The following KPTN variants were observed in gnomAD, a reference collection of about 807,000 sequenced individuals.
KPTN encodes the protein KICSTOR complex protein kaptin.
A neutral mutation model predicts 52.6 loss-of-function variants in KPTN; 36 were observed. The ratio of observed to expected loss-of-function variants is 0.68; its 90% confidence interval spans 0.52 to 0.90. KPTN has a LOEUF of 0.90. Among genes scored for constraint, KPTN ranks in the 40% least tolerant of loss-of-function variants. The probability of loss-of-function intolerance (pLI) is 0.00; values close to 1 mark genes in which losing one functional copy is unlikely to be tolerated. For missense variants in KPTN, 529 were observed against 576.2 expected (o/e 0.92, Z 0.84); for synonymous variants, 271 against 248.4 (o/e 1.09, Z -0.85).
rs753848339 is a variant in KPTN, at chr19:47,483,982, T to C, written c.179A>G (p.Gln60Arg). 6.2e-7 allele frequency: 1 copy of C among 1,613,584 alleles called. No individual in the cohort carries two copies. Among genetic ancestry groups the C allele is most frequent in the African/African-American group, 1.3e-5 (1 of 74,844 alleles). The change falls in exon 1 of 12, where the codon CAG becomes CGG. Residue 60 changes from glutamine to arginine, a missense_variant. Coordinates refer to ENST00000338134, the MANE Select transcript of KPTN (RefSeq NM_007059.4). ...CTCCTTGGCCACTGGCCGGATTTTCTGTCGGAGGTCTTGGTAGCGGAAGCC... is the reference window on the plus strand; with the variant it reads ...CTCCTTGGCCACTGGCCGGATTTTCCGTCGGAGGTCTTGGTAGCGGAAGCC... ...VLGFRYQDLR[Q>R]KIRPVAKELQ... is the part of the protein sequence containing the mutation.
At chr19:47,480,515 G>T in intron 6 of KPTN, 108 bp from the exon 7 acceptor site, 3 of 828,112 alleles carry the variant, frequency 3.6e-6, no homozygotes, top group Non-Finnish European at 5.7e-6. Context: ...GGACCCTGCT[G>T]CTTGATTCCT....
At chr19:47,484,327 C>T, upstream of KPTN, 3 of 838,540 alleles carry the variant, frequency 3.6e-6, no homozygotes, top group South Asian at 1.8e-5. Flanking sequence ...AGGTCGCCTG[C>T]TCGGGCCTCC....
intron 6 of KPTN, 37 bp from the exon 7 acceptor site, chr19:47,480,444 T>C: frequency 6.9e-7 from 1 of 1,449,824 alleles, no homozygotes; most frequent in Non-Finnish European, 9.3e-7. Context: ...GGACGGCCAT[T>C]GCTGGGCCCA....
chr19:47,481,136 T>C, intron 4 of KPTN, 103 bp from the exon 5 acceptor site: 1 of 903,120 alleles, frequency 1.1e-6, no homozygotes, highest in Non-Finnish European at 1.8e-6. Context: ...AACCTTAACA[T>C]TCTGGGATCC....
Position 47,477,992 on chromosome 19 carries a change from G to A in KPTN, c.788-211C>T, listed in dbSNP as rs547556747. Among the ~76,000 whole-genome samples the A allele has an allele frequency of 2.0e-4, 30 of 151,964 alleles. No individual in the cohort carries two copies. In the South Asian group the frequency reaches 3.5e-3, roughly 18 times the overall value. Reference sequence around the variant, plus strand: ...GGAGACTTGCTTGAACCTGGGAGGCGGAGGTTGGAGTGAGCCAAGATCACA... The same window carrying A: ...GGAGACTTGCTTGAACCTGGGAGGCAGAGGTTGGAGTGAGCCAAGATCACA... On this transcript the variant is annotated intron_variant, in intron 8 of 11. Transcript: ENST00000338134.
chr19:47,481,953 G>C (rs1331004724), intron 4 of KPTN, among the ~76,000 whole-genome samples: 1 of 152,202 alleles, frequency 6.6e-6, no homozygotes, highest in African/African-American at 2.4e-5. Context: ...CAGAACCTCA[G>C]AAGATTCTGG....
intron 9 of KPTN, 61 bp from the exon 10 acceptor site, chr19:47,476,999 C>A: frequency 6.6e-7 from 1 of 1,515,822 alleles, no homozygotes; most frequent in Non-Finnish European, 8.9e-7. Flanking sequence ...GCACCCTTGG[C>A]GGATGCTAAG....
At chr19:47,484,836 T>C (rs778157182), upstream of KPTN, among the ~76,000 whole-genome samples, 1 of 151,682 alleles carries the variant, frequency 6.6e-6, no homozygotes, top group Non-Finnish European at 1.5e-5. Context: ...TCCCAGCAGC[T>C]GGGATTACAG....
intron 11 of KPTN, among the ~76,000 whole-genome samples, 193 bp downstream of exon 11, chr19:47,476,339 C>A (rs912458077): frequency 3.1e-5 from 3 of 97,124 alleles, no homozygotes; most frequent in African/African-American, 1.2e-4. Flanking sequence ...ATAAATAAAT[C>A]TCCTTCACCA....
chr19:47,476,505 C>T (rs373020684), intron 11 of KPTN, 27 bp downstream of exon 11: 267 of 1,564,144 alleles, frequency 1.7e-4, no homozygotes, highest in Middle Eastern at 1.2e-3. Flanking sequence ...AGGTCGACTC[C>T]CCTCCCACCC....
chr19:47,479,235 G>A (rs1262747560), intron 8 of KPTN, among the ~76,000 whole-genome samples: 2 of 152,196 alleles, frequency 1.3e-5, no homozygotes, highest in African/African-American at 4.8e-5. Context: ...TAGAGACAGG[G>A]TTTCACCGTG....
Position 47,480,950 on chromosome 19 carries a change from C to T in KPTN, c.525+8G>A, listed in dbSNP as rs542156756. ...CAGGGCTCTGCCCAGCACGCCGCCCCACCTCACCTCCTTGTAGAGATGAAT... is the reference window on the plus strand; with the variant it reads ...CAGGGCTCTGCCCAGCACGCCGCCCTACCTCACCTCCTTGTAGAGATGAAT... On this transcript the variant is annotated splice_region_variant and intron_variant, in intron 5 of 11. Transcript: ENST00000338134. 6.2e-7 allele frequency: 1 copy of T among 1,611,004 alleles called. No homozygotes were observed. The highest frequency in any genetic ancestry group is 1.7e-5 in the Admixed American group (1 of 59,282).
intron 5 of KPTN, 38 bp downstream of exon 5, chr19:47,480,920 T>C (rs975059837): frequency 6.2e-7 from 1 of 1,611,752 alleles, no homozygotes; most frequent in Non-Finnish European, 8.5e-7. Context: ...CCACAGTGAA[T>C]CCCACAGGGC....
At chr19:47,479,825 A>G in intron 8 of KPTN, 38 bp downstream of exon 8, 4 of 1,537,202 alleles carry the variant, frequency 2.6e-6, no homozygotes, top group Non-Finnish European at 2.7e-6. Flanking sequence ...CTTCCCTCCC[A>G]CCCGCTCTCT....
At position 47,483,511 on chromosome 19, in the gene KPTN, C is replaced by G; in HGVS notation, c.300G>C (p.Thr100=). The change falls in exon 2 of 12, where the codon ACG becomes ACC. Residue 100 remains threonine, a synonymous_variant. Transcript: ENST00000338134. ...PPKRGLVVGI[T]FIKDSGDKGS... ...AGGGGGCTCTAGGTACCTTGATGAA[C>G]GTGATCCCCACAACCAGACCCCGCT... 6.3e-7 allele frequency: 1 copy of G among 1,592,708 alleles called. No individual in the cohort carries two copies. Among genetic ancestry groups the G allele is most frequent in the Non-Finnish European group, 8.6e-7 (1 of 1,169,148 alleles).
In KPTN at chr19:47,483,285, C is replaced by T. The variant is rs770946975; in HGVS notation, c.394+10G>A. 10 of 1,613,718 alleles carry T rather than the reference C, an allele frequency of 6.2e-6. No individual in the cohort carries two copies. The highest frequency in any genetic ancestry group is 7.6e-6 in the Non-Finnish European group (9 of 1,179,812). On this transcript the variant is annotated intron_variant, in intron 3 of 11. Transcript: ENST00000338134. ...GACTCTCTCCCTCCTCCCGTCCACG[C>T]CTCACTCACGGGCAATAGAGTCAAG...
At chr19:47,477,046 C>A (rs906156679) in intron 9 of KPTN, 108 bp from the exon 10 acceptor site, 6 of 1,136,878 alleles carry the variant, frequency 5.3e-6, no homozygotes, top group Middle Eastern at 2.9e-4. Context: ...CAGGCCTAGA[C>A]ACACTGGTCC....
In KPTN at chr19:47,484,204, G is replaced by A. The variant is rs1030277658; in HGVS notation, c.-44C>T. The A allele has an allele frequency of 1.0e-5, 16 of 1,560,028 alleles. No individual in the cohort carries two copies. In the South Asian group the frequency reaches 1.1e-4, roughly 11 times the overall value. On this transcript the variant is annotated 5_prime_UTR_variant, in exon 1 of 12. Coordinates refer to ENST00000338134, the MANE Select transcript of KPTN (RefSeq NM_007059.4). ...CTCTCCGCAGCCCCCGCCCCAACCCGCACTACCCAACCTACGACTCTCTAA... is the reference window on the plus strand; with the variant it reads ...CTCTCCGCAGCCCCCGCCCCAACCCACACTACCCAACCTACGACTCTCTAA...
At chr19:47,479,581 G>A (rs115832864) in intron 8 of KPTN, among the ~76,000 whole-genome samples, 128 of 152,206 alleles carry the variant, frequency 8.4e-4, no homozygotes, top group African/African-American at 2.9e-3. Flanking sequence ...CAGGGTACGG[G>A]GCTAAGGTTA....
Sources: gnomAD v4.1 joint callset for allele counts (sites outside exome capture counted in the v4.1 genomes callset) on GRCh38, gnomAD v4.1.1 for gene constraint, MANE v1.5 for transcripts, NCBI Gene and HGNC (gene_info 2026-07-23, HGNC 2026-07-21) for gene names.